Variants in OR2T6 observed in about 807,000 individuals in gnomAD.
The protein encoded by OR2T6 is olfactory receptor family 2 subfamily T member 6, also known as olfactory receptor 2T6.
For missense variants in OR2T6, 424 were observed against 391.6 expected (o/e 1.08, Z -0.70); for synonymous variants, 174 against 148.0 (o/e 1.18, Z -1.27).
At chr1:248,381,649 A>G (rs1157786075) in intron 1 of OR2T6, among the ~76,000 whole-genome samples, 1 of 152,090 alleles carries the variant, frequency 6.6e-6, no homozygotes, top group Admixed American at 6.6e-5. Flanking sequence ...TCATAGATAT[A>G]TATGTATCTA....
chr1:248,388,075 G>A lies in OR2T6; in HGVS notation c.467G>A (p.Ser156Asn), dbSNP rs1205407324. Residue 156 changes from serine (S) to asparagine (N), a missense_variant, in exon 3 of 3, where the codon AGT (serine) becomes AAT (asparagine). By Grantham distance (46) the Ser-to-Asn change is conservative. Transcript: ENST00000641644. ...ASSWFGGALD[S>N]FLLTPITMSL... is the part of the protein sequence containing the mutation. ...TCTTGGTTCGGTGGGGCTTTGGACA[G>A]TTTTCTCCTCACCCCCATTACCATG... is the stretch of plus-strand genomic sequence containing the variant. 2.5e-6 allele frequency: 4 copies of A among 1,614,008 alleles called. No homozygotes were observed. The highest frequency in any genetic ancestry group is 4.5e-5 in the East Asian group (2 of 44,830).
chr1:248,379,638 A>G (rs987842680), intron 1 of OR2T6, among the ~76,000 whole-genome samples: 1 of 152,146 alleles, frequency 6.6e-6, no homozygotes, highest in African/African-American at 2.4e-5. Context: ...ATATATGTGA[A>G]CTTGGTTTAT....
chr1:248,378,196 C>T (rs779663802), intron 1 of OR2T6, among the ~76,000 whole-genome samples: 3 of 152,084 alleles, frequency 2.0e-5, no homozygotes, highest in Non-Finnish European at 4.4e-5. Context: ...AAATGCCAGA[C>T]GCTTACAGAA....
chr1:248,377,046 C>T (rs1660948643), intron 1 of OR2T6, among the ~76,000 whole-genome samples: 2 of 152,156 alleles, frequency 1.3e-5, no homozygotes, highest in Non-Finnish European at 2.9e-5. Context: ...CACTAAGAGA[C>T]AGTATCTGAA....
intron 2 of OR2T6, among the ~76,000 whole-genome samples, chr1:248,386,007 G>A (rs944188996): frequency 7.2e-5 from 11 of 152,156 alleles, no homozygotes; most frequent in Non-Finnish European, 2.9e-5. Context: ...CATTGCAAAT[G>A]ATGAAGCCAG....
chr1:248,377,711 A>G (rs1410956373), intron 1 of OR2T6, among the ~76,000 whole-genome samples: 1 of 152,226 alleles, frequency 6.6e-6, no homozygotes, highest in Non-Finnish European at 1.5e-5. Flanking sequence ...AGTAAAATAA[A>G]TAATCAGATT....
At chr1:248,382,437 A>C (rs2093833569) in intron 1 of OR2T6, among the ~76,000 whole-genome samples, 1 of 151,972 alleles carries the variant, frequency 6.6e-6, no homozygotes, top group Non-Finnish European at 1.5e-5. Context: ...ATTTTTATTA[A>C]TAATTCTCTC....
chr1:248,390,090 TC>T lies in OR2T6; in HGVS notation c.*1557del, dbSNP rs1661222706. The T allele has an allele frequency of 6.6e-6, 1 of 152,166 alleles. No homozygotes were observed. Among genetic ancestry groups the T allele is most frequent in the Admixed American group, 6.5e-5 (1 of 15,278 alleles). 9.4% of individuals were successfully genotyped at this position (152,166 alleles called of 1,614,324 possible). On this transcript the variant is annotated 3_prime_UTR_variant, in exon 3 of 3. Coordinates refer to ENST00000641644, the MANE Select transcript of OR2T6 (RefSeq NM_001005471.2). ...TCATGGAAGAGTGTGCTTGTTTGAGTCCTTATCTGGTTGGATACAGTCTTTT... is the reference window on the plus strand; with the variant it reads ...TCATGGAAGAGTGTGCTTGTTTGAGTCTTATCTGGTTGGATACAGTCTTTT...
intron 1 of OR2T6, among the ~76,000 whole-genome samples, chr1:248,383,665 G>T (rs1303122569): frequency 1.9e-5 from 2 of 107,950 alleles, no homozygotes; most frequent in Admixed American, 9.4e-5. Context: ...ATTGTCATGG[G>T]TAAAGCACTG....
rs1339987 is a variant in OR2T6 at position 248,390,639 on chromosome 1, C to G, written c.*2104C>G. ...TTCCGAGGCTCTTCAGCTGGAGGCT[C>G]AACATCTCCTCAATCTTGTCAGACT... On this transcript the variant is annotated 3_prime_UTR_variant, in exon 3 of 3. Transcript: ENST00000641644. 19 of 152,078 alleles carry G rather than the reference C, an allele frequency of 1.2e-4. No individual in the cohort carries two copies. The East Asian group carries it at 3.7e-3, about 29-fold the overall frequency. The allele number at this position is 152,078 out of a possible 1,614,324, so 9.4% of individuals were successfully genotyped here.
intron 1 of OR2T6, among the ~76,000 whole-genome samples, chr1:248,376,847 A>G (rs569856910): frequency 6.6e-6 from 1 of 152,232 alleles, no homozygotes; most frequent in East Asian, 1.9e-4. Flanking sequence ...TGTTGTTGCC[A>G]TCTTTATGTC....
At chr1:248,383,001 G>T (rs559094734) in intron 1 of OR2T6, among the ~76,000 whole-genome samples, 1 of 152,202 alleles carries the variant, frequency 6.6e-6, no homozygotes, top group Admixed American at 6.5e-5. Context: ...CACCGCACTT[G>T]CCTGAGTGTG....
chr1:248,383,317 T>C lies in OR2T6; in HGVS notation c.-158-1394T>C, dbSNP rs79330446. 1.5e-4 allele frequency among the ~76,000 whole-genome samples: 16 copies of C among 109,790 alleles called. 1 individual carries two copies. Among genetic ancestry groups the C allele is most frequent in the Non-Finnish European group, 2.2e-4 (13 of 59,242 alleles). 72.0% of individuals were successfully genotyped at this position (109,790 alleles called of 152,430 possible). ...ATCCTGATGTGTTTCCTAATGTTAT[T>C]GTCATGGGTAAAGCACTGCACTAGC... On this transcript the variant is annotated intron_variant, in intron 1 of 2. Transcript: ENST00000641644.
intron 1 of OR2T6, among the ~76,000 whole-genome samples, chr1:248,383,564 C>A (rs61832939): frequency 0.11 from 1,825 of 16,300 alleles, 127 homozygotes; most frequent in African/African-American, 0.26. Flanking sequence ...TGCTCATCCT[C>A]TCCTGAAGTG....
At position 248,390,215 on chromosome 1, in the gene OR2T6, C is replaced by G. The variant is rs572966135; in HGVS notation, c.*1680C>G. ...TCTTTTTCTAAGATGGAGTTGGCTA[C>G]GTCAAGGGTGTTCTATACACTTAGT... On this transcript the variant is annotated 3_prime_UTR_variant, in exon 3 of 3. Transcript: ENST00000641644. 1.3e-5 allele frequency: 2 copies of G among 152,270 alleles called. No individual in the cohort carries two copies. The highest frequency in any genetic ancestry group is 4.1e-4 in the South Asian group (2 of 4,820). 9.4% of individuals were successfully genotyped at this position (152,270 alleles called of 1,614,324 possible).
Position 248,387,963 on chromosome 1 carries a change from G to C in OR2T6, c.355G>C (p.Ala119Pro), listed in dbSNP as rs1661173910. 6.2e-7 allele frequency: 1 copy of C among 1,608,226 alleles called. No homozygotes were observed. Among genetic ancestry groups the C allele is most frequent in the African/African-American group, 1.3e-5 (1 of 74,788 alleles). ...TGAATTCTTCCTGCTGGGGCTCATG[G>C]CCTATGACCGCTACGTGGCCATCTG... The part of the protein sequence containing the change: ...GAEFFLLGLM[A>P]YDRYVAICNP... The change falls in exon 3 of 3, where the codon GCC (alanine) becomes CCC (proline). Residue 119 changes from alanine (A) to proline (P), a missense_variant. Ala to Pro is a conservative substitution (Grantham distance 27). Coordinates refer to ENST00000641644, the MANE Select transcript of OR2T6 (RefSeq NM_001005471.2).
In OR2T6 at chr1:248,387,819, A is replaced by C. The variant is rs748920547; in HGVS notation, c.211A>C (p.Thr71Pro). 3 of 1,607,164 alleles carry C rather than the reference A, an allele frequency of 1.9e-6. No individual in the cohort carries two copies. Among genetic ancestry groups the C allele is most frequent in the Non-Finnish European group, 2.6e-6 (3 of 1,174,754 alleles). Residue 71 changes from threonine (T) to proline (P), a missense_variant, in exon 3 of 3, where the codon ACA (threonine) becomes CCA (proline). Coordinates refer to ENST00000641644, the MANE Select transcript of OR2T6 (RefSeq NM_001005471.2). The stretch of plus-strand genomic sequence containing the variant: ...CCTCAGCCACCTCTCCGTCATTGAC[A>C]CATTATACATCTCCACCATTGTGCC... ...FLLSHLSVID[T>P]LYISTIVPKM...
chr1:248,388,590 T>C lies in OR2T6; in HGVS notation c.*55T>C. On this transcript the variant is annotated 3_prime_UTR_variant, in exon 3 of 3. Coordinates refer to ENST00000641644, the MANE Select transcript of OR2T6 (RefSeq NM_001005471.2). ...CTGATGGTCTAAAACCTCCACATCC[T>C]GTTCAGGCATATATGGGGTCGTATC... 1 of 1,360,910 alleles carries C rather than the reference T, an allele frequency of 7.3e-7. No individual in the cohort carries two copies. The highest frequency in any genetic ancestry group is 2.3e-5 in the East Asian group (1 of 43,280). 84.3% of individuals were successfully genotyped at this position (1,360,910 alleles called of 1,614,324 possible).
At chr1:248,381,862 C>CG (rs397782326) in intron 1 of OR2T6, among the ~76,000 whole-genome samples, 4 of 151,548 alleles carry the variant, frequency 2.6e-5, no homozygotes, top group African/African-American at 7.3e-5. Context: ...GTTTATCCCC[C>CG]CTAATTTATC....
Sources: allele counts gnomAD v4.1 joint callset (sites outside exome capture counted in the v4.1 genomes callset), GRCh38; gene constraint gnomAD v4.1.1; transcripts MANE v1.5; gene names NCBI Gene and HGNC (gene_info 2026-07-23, HGNC 2026-07-21).